Variants in COL5A2 observed in about 807,000 individuals in gnomAD.
COL5A2 encodes collagen type V alpha 2 chain.
COL5A2 carries 23 observed loss-of-function variants against 208.2 expected under a neutral mutation model. That is an observed-to-expected ratio of 0.11 (90% confidence interval 0.08 to 0.16). COL5A2 has a LOEUF of 0.16. COL5A2 is among the 10% of genes least tolerant of loss of function. The pLI is 1.00. For synonymous variants in COL5A2, 625 were observed against 628.5 expected (o/e 0.99, Z 0.08); for missense variants, 1,590 against 1,956.4 (o/e 0.81, Z 3.53).
chr2:189,070,977 C>A (rs537878550), intron 18 of COL5A2, among the ~76,000 whole-genome samples: 3 of 152,272 alleles, frequency 2.0e-5, no homozygotes, highest in African/African-American at 7.2e-5. Context: ...TTAGAGAGAG[C>A]CTACAGAATA....
At chr2:189,280,422 C>T in the COL5A2 span, among the ~76,000 whole-genome samples, 1 of 152,124 alleles carries the variant, frequency 6.6e-6, no homozygotes, top group Non-Finnish European at 1.5e-5. Flanking sequence ...CTACTTCCTA[C>T]TATGCTTGAA....
chr2:189,421,817 A>AT, the COL5A2 span, among the ~76,000 whole-genome samples: 1 of 152,118 alleles, frequency 6.6e-6, no homozygotes, highest in African/African-American at 2.4e-5. Context: ...TGGGCTTCAC[A>AT]GTCTTAGCAA....
At chr2:189,144,441 A>G (rs1437098772) in intron 1 of COL5A2, among the ~76,000 whole-genome samples, 1 of 152,050 alleles carries the variant, frequency 6.6e-6, no homozygotes, top group Admixed American at 6.6e-5. Context: ...ATAGTCATGT[A>G]TGTTAGCTTC....
At chr2:189,221,954 G>GA (rs1689351572) in intron 1 of COL5A2, among the ~76,000 whole-genome samples, 1 of 151,912 alleles carries the variant, frequency 6.6e-6, no homozygotes, top group African/African-American at 2.4e-5. Flanking sequence ...TTTGTCTTCT[G>GA]AAATATGAAT....
chr2:189,164,534 T>G (rs1688429620), intron 1 of COL5A2, among the ~76,000 whole-genome samples: 1 of 152,186 alleles, frequency 6.6e-6, no homozygotes, highest in South Asian at 2.1e-4. Flanking sequence ...CTTTACCTTC[T>G]TTTATTTCTA....
intron 7 of COL5A2, among the ~76,000 whole-genome samples, chr2:189,090,397 A>G (rs942449709): frequency 6.6e-6 from 1 of 152,228 alleles, no homozygotes; most frequent in Non-Finnish European, 1.5e-5. Flanking sequence ...CCATAATATA[A>G]AAATGCAAAG....
At chr2:189,091,888 C>G (rs892765133) in intron 7 of COL5A2, among the ~76,000 whole-genome samples, 1 of 152,194 alleles carries the variant, frequency 6.6e-6, no homozygotes, top group Admixed American at 6.6e-5. Flanking sequence ...TTAGTGTCAA[C>G]TCAATGGCCT....
chr2:189,160,828 CT>C (rs1013116673), intron 1 of COL5A2, among the ~76,000 whole-genome samples: 644 of 131,992 alleles, frequency 4.9e-3, no homozygotes, highest in East Asian at 0.016. Flanking sequence ...TTTCTTTTTC[CT>C]TTTTTTTTTT....
At chr2:189,052,250 A>G in intron 40 of COL5A2, 25 bp from the exon 41 acceptor site, 3 of 1,610,150 alleles carry the variant, frequency 1.9e-6, no homozygotes, top group Non-Finnish European at 2.5e-6. Flanking sequence ...TCATATAAGC[A>G]ATTTTTAAGG....
chr2:189,148,635 T>C (rs1576556628), intron 1 of COL5A2, among the ~76,000 whole-genome samples: 1 of 152,316 alleles, frequency 6.6e-6, no homozygotes. Context: ...CAGAAAATTA[T>C]GAAATGCTAT....
chr2:189,387,324 G>A, the COL5A2 span, among the ~76,000 whole-genome samples: 1 of 152,158 alleles, frequency 6.6e-6, no homozygotes. Flanking sequence ...GTGATAGAGA[G>A]AGGAATGGGA....
chr2:189,364,037 A>T, the COL5A2 span, among the ~76,000 whole-genome samples: 2 of 152,242 alleles, frequency 1.3e-5, no homozygotes, highest in Non-Finnish European at 2.9e-5. Flanking sequence ...TCCAGTCATC[A>T]TATCTAAAAA....
chr2:189,195,929 T>G (rs1357716482), intron 1 of COL5A2, among the ~76,000 whole-genome samples: 2 of 152,094 alleles, frequency 1.3e-5, no homozygotes, highest in Non-Finnish European at 2.9e-5. Context: ...CCAAAAACAA[T>G]TGCGACAAAA....
intron 1 of COL5A2, among the ~76,000 whole-genome samples, chr2:189,194,937 A>C (rs1404211169): frequency 6.6e-6 from 1 of 152,042 alleles, no homozygotes; most frequent in Non-Finnish European, 1.5e-5. Flanking sequence ...CTTGCATCCC[A>C]AGGATGAACA....
chr2:189,054,033 A>G, intron 36 of COL5A2, 85 bp from the exon 37 acceptor site: 1 of 1,437,474 alleles, frequency 7.0e-7, no homozygotes, highest in Admixed American at 1.7e-5. Context: ...AGGAGGAGAT[A>G]GTGGAAAAGA....
In COL5A2 at chr2:189,051,492, AAAG is replaced by A. The variant is rs764525900; in HGVS notation, c.2770-14_2770-12del. 1 of 1,594,646 alleles carries A rather than the reference AAAG, an allele frequency of 6.3e-7. No homozygotes were observed. Among genetic ancestry groups the A allele is most frequent in the East Asian group, 2.2e-5 (1 of 44,636 alleles). ...AGGTCCTGGAGCTCCCTAGTATAAC[AAAG>A]AAAGAAACACCAAGGAGGGCAAAAT... On this transcript the variant is annotated splice_polypyrimidine_tract_variant and intron_variant, in intron 41 of 53. Transcript: ENST00000374866.
At chr2:189,428,118 T>G in the COL5A2 span, among the ~76,000 whole-genome samples, 1 of 152,164 alleles carries the variant, frequency 6.6e-6, no homozygotes, top group Admixed American at 6.5e-5. Context: ...GATTGTATTT[T>G]GAAATGTGAG....
At chr2:189,267,603 T>C in the COL5A2 span, among the ~76,000 whole-genome samples, 1 of 152,008 alleles carries the variant, frequency 6.6e-6, no homozygotes, top group Non-Finnish European at 1.5e-5. Flanking sequence ...GGCCAGGAAA[T>C]TGGGGAATGA....
At chr2:189,107,658 A>G (rs1687177626) in intron 2 of COL5A2, among the ~76,000 whole-genome samples, 1 of 151,518 alleles carries the variant, frequency 6.6e-6, no homozygotes, top group Non-Finnish European at 1.5e-5. Flanking sequence ...ATAAGCATAG[A>G]ACTATGATTT....
Sources: gnomAD v4.1 joint callset for allele counts (sites outside exome capture counted in the v4.1 genomes callset) on GRCh38, gnomAD v4.1.1 for gene constraint, MANE v1.5 for transcripts, NCBI Gene and HGNC (gene_info 2026-07-23, HGNC 2026-07-21) for gene names.